Variants in CDKL5 observed in about 807,000 individuals in gnomAD.
CDKL5 encodes the protein cyclin-dependent kinase-like 5.
CDKL5 carries 8 observed loss-of-function variants against 61.7 expected under a neutral mutation model. That is an observed-to-expected ratio of 0.13 (90% CI 0.08 to 0.23). The LOEUF is 0.23. Among genes scored for constraint, CDKL5 ranks in the 10% least tolerant of loss-of-function variants. The probability of loss-of-function intolerance (pLI) is 1.00; values close to 1 mark genes in which losing one functional copy is unlikely to be tolerated. For synonymous variants in CDKL5, 275 were observed against 272.3 expected, an observed-to-expected ratio of 1.01 and a Z score of -0.10; for missense variants, 440 against 734.5, an observed-to-expected ratio of 0.60 and a Z score of 4.63.
intron 3 of CDKL5, among the ~76,000 whole-genome samples, chrX:18,533,124 G>T (rs143887943): frequency 0.022 from 2,407 of 111,424 alleles, 51 homozygotes; most frequent in African/African-American, 0.062. Context: ...TAAATAAAAT[G>T]TGTTTTAAAA....
chrX:18,519,265 A>G (rs892216125), intron 3 of CDKL5, among the ~76,000 whole-genome samples: 5 of 112,262 alleles, frequency 4.5e-5, no homozygotes, highest in Admixed American at 9.5e-5. Flanking sequence ...TTGCAATACA[A>G]TGACGGTTGA....
chrX:18,531,646 C>T (rs1333672954), intron 3 of CDKL5, among the ~76,000 whole-genome samples: 2 of 110,964 alleles, frequency 1.8e-5, no homozygotes, highest in Non-Finnish European at 3.8e-5. Flanking sequence ...ACCTCAATTC[C>T]GTAAATCCAA....
chrX:18,567,076 T>A (rs1447849252), intron 4 of CDKL5, among the ~76,000 whole-genome samples: 2 of 112,211 alleles, frequency 1.8e-5, no homozygotes, highest in Admixed American at 9.5e-5. Flanking sequence ...ACTGTTTACA[T>A]TTCTCCCAGG....
Position 18,498,041 on chromosome X carries a change from G to GCTGGT in CDKL5, c.-162-8891_-162-8887dup, listed in dbSNP as rs941666899. Reference sequence around the variant, plus strand: ...GACAAGGTCTCATTATGTTGCCCAGGCTGGTCTCAAACTCCTGGGTTTAAG... The same window carrying GCTGGT: ...GACAAGGTCTCATTATGTTGCCCAGGCTGGTCTGGTCTCAAACTCCTGGGTTTAAG... On this transcript the variant is annotated intron_variant, in intron 1 of 17. Coordinates refer to ENST00000623535, the MANE Select transcript of CDKL5 (RefSeq NM_001323289.2). Among the ~76,000 whole-genome samples the GCTGGT allele has an allele frequency of 3.6e-5, 4 of 109,590 alleles. No homozygotes were observed. In the Admixed American group the frequency reaches 3.9e-4, roughly 11 times the overall value.
chrX:18,448,434 T>TA (rs1349041658), intron 1 of CDKL5, among the ~76,000 whole-genome samples: 1 of 112,179 alleles, frequency 8.9e-6, no homozygotes, highest in Non-Finnish European at 1.9e-5. Context: ...TTCTGCCTCA[T>TA]ACGCTATGCT....
intron 9 of CDKL5, chrX:18,589,399 T>C (rs991313084): frequency 9.0e-6 from 1 of 111,198 alleles, no homozygotes; most frequent in African/African-American, 3.3e-5. Context: ...TATTTGGTTT[T>C]CTGTCCTTGG....
At chrX:18,467,612 G>T (rs897505395) in intron 1 of CDKL5, among the ~76,000 whole-genome samples, 1 of 111,812 alleles carries the variant, frequency 8.9e-6, no homozygotes, top group Non-Finnish European at 1.9e-5. Context: ...TTGTCCTGTA[G>T]CATTTTCATG....
chrX:18,604,695 T>C lies in CDKL5; in HGVS notation c.1771T>C (p.Ser591Pro). Residue 591 changes from serine (S) to proline (P), a missense_variant, in exon 12 of 18, where the codon TCT (serine) becomes CCT (proline). Physicochemically the swap from Ser to Pro is moderately conservative, Grantham distance 74. Around this residue, in one of 2 missense-constraint regions of CDKL5, gnomAD observed 363 missense variants for 516.3 expected, o/e 0.70. Transcript: ENST00000623535. Reference sequence around the variant, plus strand: ...CCATTCACTGTCTGCACCTCACGAATCTTTTTCTTATGGACTGGGCTACAC... The same window carrying C: ...CCATTCACTGTCTGCACCTCACGAACCTTTTTCTTATGGACTGGGCTACAC... ...HSHSLSAPHE[S>P]FSYGLGYTSP... The C allele has an allele frequency of 8.3e-7, 1 of 1,211,817 alleles. No homozygotes were observed.
chrX:18,568,316 A>G (rs1925035505), intron 4 of CDKL5, among the ~76,000 whole-genome samples: 1 of 112,430 alleles, frequency 8.9e-6, no homozygotes, highest in African/African-American at 3.2e-5. Context: ...TTGTGAAACT[A>G]TATTTTGTTA....
At chrX:18,481,382 C>A (rs771027644) in intron 1 of CDKL5, among the ~76,000 whole-genome samples, 1 of 95,346 alleles carries the variant, frequency 1.0e-5, no homozygotes, top group Admixed American at 1.1e-4. Flanking sequence ...TGAGGCAGGG[C>A]GTCACTCTCA....
rs1188154847 is a variant in CDKL5 at position 18,518,329 on chromosome X, T to G, written c.99+7475T>G. On this transcript the variant is annotated intron_variant, in intron 3 of 17. Transcript: ENST00000623535. ...AAAAATAAGATGTAATTTTTACTTT[T>G]AAGGAATTTAACATGGATAAATTAA... Among the ~76,000 whole-genome samples, 3 of 106,677 alleles carry G rather than the reference T, an allele frequency of 2.8e-5. No homozygotes were observed. In the Admixed American group the frequency reaches 3.1e-4, roughly 11 times the overall value. The allele number at this position is 106,677 out of a possible 115,157, so 92.6% of individuals were successfully genotyped here.
At chrX:18,439,673 A>G (rs1931693600) in intron 1 of CDKL5, among the ~76,000 whole-genome samples, 1 of 109,825 alleles carries the variant, frequency 9.1e-6, no homozygotes, top group Non-Finnish European at 1.9e-5. Context: ...CCCCATCTCT[A>G]CTAAATATAC....
rs1228561282 is a variant in CDKL5 at position 18,632,047 on chromosome X, CCAAA to C, written c.*3297_*3300del. The C allele has an allele frequency of 1.3e-5, 9 of 670,123 alleles. No individual in the cohort carries two copies. The highest frequency in any genetic ancestry group is 8.9e-6 in the Non-Finnish European group (5 of 563,934). 55.2% of individuals were successfully genotyped at this position (670,123 alleles called of 1,213,427 possible). A position where few individuals can be genotyped will look rare whatever the true frequency, so the allele number is the denominator to read the frequency against. On this transcript the variant is annotated 3_prime_UTR_variant, in exon 18 of 18. Transcript: ENST00000623535. ...ACCCTGCCATGCACAGGACAGCCCC[CCAAA>C]CAAACAGTGGTCCAGCCCCAAGCAC...
intron 1 of CDKL5, among the ~76,000 whole-genome samples, chrX:18,478,564 T>A (rs953943834): frequency 1.8e-5 from 2 of 109,620 alleles, no homozygotes; most frequent in Admixed American, 2.0e-4. Flanking sequence ...GTGTTGGGAG[T>A]ACAGGTGTGA....
intron 1 of CDKL5, among the ~76,000 whole-genome samples, chrX:18,500,406 C>CT (rs1307540947): frequency 3.6e-5 from 4 of 111,921 alleles, no homozygotes; most frequent in Non-Finnish European, 7.5e-5. Context: ...TCCTTGATCT[C>CT]TAACGATTTC....
At chrX:18,606,174 T>TCACACACACACA (rs528800542) in intron 12 of CDKL5, among the ~76,000 whole-genome samples, 16 of 96,896 alleles carry the variant, frequency 1.7e-4, no homozygotes, top group African/African-American at 5.7e-4. Flanking sequence ...AGCAAGACTG[T>TCACACACACACA]CACACACACA....
chrX:18,563,462 A>C, intron 3 of CDKL5, among the ~76,000 whole-genome samples: 1 of 112,075 alleles, frequency 8.9e-6, no homozygotes, highest in East Asian at 2.8e-4. Flanking sequence ...GTTGTACCCT[A>C]TACATACAAG....
downstream of CDKL5, chrX:18,641,851 A>G (rs912502426): frequency 2.0e-5 from 10 of 496,427 alleles, no homozygotes; most frequent in Admixed American, 3.6e-5. Flanking sequence ...TCAGAAAGCT[A>G]TATCTTAAAA....
intron 1 of CDKL5, among the ~76,000 whole-genome samples, chrX:18,457,269 C>T (rs1026036781): frequency 1.5e-4 from 17 of 111,096 alleles, no homozygotes; most frequent in African/African-American, 5.2e-4. Context: ...TTTCCACTGT[C>T]GTCATTGCAT....
Sources: allele counts gnomAD v4.1 joint callset (sites outside exome capture counted in the v4.1 genomes callset), GRCh38; gene constraint gnomAD v4.1.1; regional missense constraint gnomAD v4.1.1; transcripts MANE v1.5; gene names NCBI Gene and HGNC (gene_info 2026-07-23, HGNC 2026-07-21).